Variants in OTUD4 observed in about 807,000 individuals in gnomAD.
The protein encoded by OTUD4 is OTU domain-containing protein 4.
Under a neutral mutation model 130.4 loss-of-function variants are expected in OTUD4, and 24 were observed. The ratio of observed to expected loss-of-function variants is 0.18; its 90% confidence interval spans 0.13 to 0.26. The LOEUF (loss-of-function observed/expected upper bound fraction) is 0.26, where lower values mean the gene tolerates loss of function less well. Among genes scored for constraint, OTUD4 ranks in the 10% least tolerant of loss-of-function variants. The pLI is 1.00. For synonymous variants in OTUD4, 420 were observed against 472.5 expected (o/e 0.89, Z 1.44); for missense variants, 1,031 against 1,329.4 (o/e 0.78, Z 3.49).
At chr4:145,147,307 T>C (rs1033093525) in intron 13 of OTUD4, among the ~76,000 whole-genome samples, 6 of 152,202 alleles carry the variant, frequency 3.9e-5, no homozygotes, top group African/African-American at 1.4e-4. Context: ...CAGTCCCATT[T>C]ATAATCACAC....
Position 145,143,930 on chromosome 4 carries a change from T to C in OTUD4, c.1602+16A>G, listed in dbSNP as rs781658456. Reference sequence around the variant, plus strand: ...AAGGAAAAAGAAAAGATGCAAGTAGTGTTTAAAACTTTTACCTCCAATGTG... The same window carrying C: ...AAGGAAAAAGAAAAGATGCAAGTAGCGTTTAAAACTTTTACCTCCAATGTG... On this transcript the variant is annotated intron_variant, in intron 16 of 20. Coordinates refer to ENST00000447906, the MANE Select transcript of OTUD4 (RefSeq NM_001366057.1). 1.4e-5 allele frequency: 22 copies of C among 1,588,256 alleles called. No homozygotes were observed. The highest frequency in any genetic ancestry group is 5.0e-5 in the Admixed American group (3 of 59,924).
In OTUD4 at chr4:145,137,888, G is replaced by A. The variant is rs1484175861; in HGVS notation, c.2887C>T (p.Pro963Ser). 6.2e-7 allele frequency: 1 copy of A among 1,614,096 alleles called. No homozygotes were observed. The highest frequency in any genetic ancestry group is 1.7e-5 in the Admixed American group (1 of 60,024). Residue 963 changes from proline (P) to serine (S), a missense_variant, in exon 21 of 21, where the codon CCT becomes TCT. Around this residue, in one of 3 missense-constraint regions of OTUD4, gnomAD observed 900 missense variants for 1,095.9 expected, o/e 0.82. Coordinates refer to ENST00000447906, the MANE Select transcript of OTUD4 (RefSeq NM_001366057.1). Reference protein sequence around the residue: ...IPPVAEGKAHPPTQILNRERE... With the variant: ...IPPVAEGKAHSPTQILNRERE... The stretch of plus-strand genomic sequence containing the variant: ...TCTCTGTTTAGAATCTGAGTGGGAG[G>A]ATGAGCCTTTCCCTCTGCTACAGGA...
intron 13 of OTUD4, among the ~76,000 whole-genome samples, chr4:145,148,454 G>T (rs1015443566): frequency 4.0e-5 from 6 of 151,170 alleles, no homozygotes; most frequent in African/African-American, 1.5e-4. Flanking sequence ...AGCCAAGATC[G>T]CGCCACTGCA....
intron 13 of OTUD4, among the ~76,000 whole-genome samples, chr4:145,149,813 T>C (rs1364979678): frequency 1.3e-5 from 2 of 152,226 alleles, no homozygotes; most frequent in Non-Finnish European, 2.9e-5. Flanking sequence ...GTACTTGTCA[T>C]AGTCACCTAT....
chr4:145,141,331 C>T, intron 19 of OTUD4, 48 bp downstream of exon 19: 1 of 1,499,066 alleles, frequency 6.7e-7, no homozygotes, highest in Non-Finnish European at 8.9e-7. Context: ...CTTAACTAAG[C>T]TTATTTGGAC....
At chr4:145,144,526 C>T (rs1212115316) in intron 14 of OTUD4, 92 bp from the exon 15 acceptor site, 2 of 1,265,884 alleles carry the variant, frequency 1.6e-6, no homozygotes, top group Admixed American at 4.4e-5. Flanking sequence ...CTTCATACTT[C>T]TAAAATCTTA....
rs974179848 is a variant in OTUD4 at position 145,164,206 on chromosome 4, C to T, written c.362G>A (p.Arg121Gln). The change falls in exon 5 of 21, where the codon CGG becomes CAG. Residue 121 changes from arginine (R) to glutamine (Q), a missense_variant. Arg to Gln is a conservative substitution (Grantham distance 43, BLOSUM62 1). Transcript: ENST00000447906. The stretch of plus-strand genomic sequence containing the variant: ...TTGTGAAGGAGAAACATTTGGTTCC[C>T]GATAAATTATAAAATCTTTCCTGAA... ...LMYRKDFIIYREPNVSPSQVT... is the reference protein window; with the variant it reads ...LMYRKDFIIYQEPNVSPSQVT... 1.6e-5 allele frequency: 22 copies of T among 1,387,190 alleles called. No individual in the cohort carries two copies. Among genetic ancestry groups the T allele is most frequent in the African/African-American group, 5.8e-5 (4 of 69,080 alleles). 85.9% of individuals were successfully genotyped at this position (1,387,190 alleles called of 1,614,324 possible). A position where few individuals can be genotyped will look rare whatever the true frequency, so the allele number is the denominator to read the frequency against.
chr4:145,145,480 G>T (rs909298266), intron 14 of OTUD4, among the ~76,000 whole-genome samples: 1 of 152,128 alleles, frequency 6.6e-6, no homozygotes, highest in African/African-American at 2.4e-5. Context: ...CTGAGTGTGT[G>T]GGGCTTTAAT....
rs756465517 is a variant in OTUD4 at position 145,152,491 on chromosome 4, A to AG, written c.968+49dup. 4 of 966,682 alleles carry AG rather than the reference A, an allele frequency of 4.1e-6. No individual in the cohort carries two copies. In the East Asian group the frequency reaches 9.6e-5, roughly 23 times the overall value. 59.9% of individuals were successfully genotyped at this position (966,682 alleles called of 1,614,324 possible). ...AGGCCATTTTAAAATGCTCATGATT[A>AG]GGCTAAATGGAGGAGGCAGTAAATG... On this transcript the variant is annotated intron_variant, in intron 11 of 20. Coordinates refer to ENST00000447906, the MANE Select transcript of OTUD4 (RefSeq NM_001366057.1).
At chr4:145,167,314 A>G (rs974525089) in intron 3 of OTUD4, among the ~76,000 whole-genome samples, 4 of 152,200 alleles carry the variant, frequency 2.6e-5, no homozygotes, top group Non-Finnish European at 4.4e-5. Context: ...GACCAGCACA[A>G]TCTTTTCCCT....
At chr4:145,176,874 T>C (rs533199454) in intron 1 of OTUD4, among the ~76,000 whole-genome samples, 1 of 152,328 alleles carries the variant, frequency 6.6e-6, no homozygotes, top group South Asian at 2.1e-4. Context: ...GTATGTCCTA[T>C]TACGCTGAGA....
chr4:145,151,491 C>T (rs1255086833), intron 11 of OTUD4, among the ~76,000 whole-genome samples: 1 of 152,024 alleles, frequency 6.6e-6, no homozygotes, highest in Non-Finnish European at 1.5e-5. Context: ...AAAAATTAGC[C>T]GGGCGTAGTG....
intron 19 of OTUD4, among the ~76,000 whole-genome samples, chr4:145,140,843 T>C (rs905795495): frequency 2.3e-5 from 3 of 131,934 alleles, no homozygotes; most frequent in Non-Finnish European, 4.7e-5. Context: ...CTAAGCATAC[T>C]AGCATTAACA....
chr4:145,134,598 G>A lies in OTUD4; in HGVS notation c.*2832C>T, dbSNP rs1381975312. On this transcript the variant is annotated 3_prime_UTR_variant, in exon 21 of 21. Coordinates refer to ENST00000447906, the MANE Select transcript of OTUD4 (RefSeq NM_001366057.1). ...ATTAAATAAGATATATCAGCATTGT[G>A]GTCTGGGAAAACCTATGCTTGCCAG... The A allele has an allele frequency of 2.5e-6, 1 of 397,666 alleles. No individual in the cohort carries two copies. The highest frequency in any genetic ancestry group is 4.4e-6 in the Non-Finnish European group (1 of 225,742). The allele number at this position is 397,666 out of a possible 1,614,324, so 24.6% of individuals were successfully genotyped here.
At chr4:145,152,510 G>T in intron 11 of OTUD4, 31 bp downstream of exon 11, 1 of 1,219,412 alleles carries the variant, frequency 8.2e-7, no homozygotes. Context: ...GGAGGAGGCA[G>T]TAAATGCCTT....
intron 7 of OTUD4, among the ~76,000 whole-genome samples, chr4:145,156,510 C>G (rs1027614644): frequency 6.6e-6 from 1 of 151,976 alleles, no homozygotes; most frequent in African/African-American, 2.4e-5. Flanking sequence ...ATGGAGAAAC[C>G]CCATCTCTAC....
intron 3 of OTUD4, among the ~76,000 whole-genome samples, chr4:145,167,193 C>T (rs528463270): frequency 2.6e-5 from 4 of 152,268 alleles, no homozygotes; most frequent in African/African-American, 9.6e-5. Context: ...AGACTTAATA[C>T]ATTAAGTCAC....
Position 145,144,399 on chromosome 4 carries a change from G to A in OTUD4, c.1458C>T (p.Ser486=). ...ATGATTTTCTCTGGACACATGGATT[G>A]CTACTCTGAGAAGCTGACTGATTGA... ...SSVNQSASQS[S]NPCVQRKSSH... Residue 486 remains serine, a synonymous_variant, in exon 15 of 21, where the codon AGC becomes AGT. Coordinates refer to ENST00000447906, the MANE Select transcript of OTUD4 (RefSeq NM_001366057.1). 3 of 1,611,960 alleles carry A rather than the reference G, an allele frequency of 1.9e-6. No individual in the cohort carries two copies. Among genetic ancestry groups the A allele is most frequent in the Non-Finnish European group, 2.5e-6 (3 of 1,178,792 alleles).
chr4:145,168,457 A>G (rs1355532695), intron 3 of OTUD4, among the ~76,000 whole-genome samples: 1 of 151,418 alleles, frequency 6.6e-6, no homozygotes, highest in Non-Finnish European at 1.5e-5. Flanking sequence ...TACAAACTAG[A>G]AGAATGTATT....
Sources: gnomAD v4.1 joint callset for allele counts (sites outside exome capture counted in the v4.1 genomes callset) on GRCh38, gnomAD v4.1.1 for gene constraint, gnomAD v4.1.1 regional missense constraint, MANE v1.5 for transcripts, NCBI Gene and HGNC (gene_info 2026-07-23, HGNC 2026-07-21) for gene names.